ATXN10: variants seen among roughly 807,000 people sequenced by gnomAD.
The protein encoded by ATXN10 is ataxin-10.
ATXN10 carries 28 observed loss-of-function variants against 52.9 expected under a neutral mutation model. The ratio of observed to expected loss-of-function variants is 0.53; its 90% CI spans 0.39 to 0.73. The LOEUF is 0.73. Among genes scored for constraint, ATXN10 ranks in the 30% least tolerant of loss-of-function variants. The pLI is 0.00. For synonymous variants in ATXN10, 226 were observed against 221.5 expected (o/e 1.02, Z -0.18); for missense variants, 565 against 577.0 (o/e 0.98, Z 0.21).
At chr22:45,706,310 T>C (rs1459569376) in intron 5 of ATXN10, among the ~76,000 whole-genome samples, 1 of 152,250 alleles carries the variant, frequency 6.6e-6, no homozygotes, top group African/African-American at 2.4e-5. Context: ...TTGTTCACTA[T>C]AGCTAAAGGT....
Position 45,769,279 on chromosome 22 carries a change from C to T in ATXN10, c.1173+28741C>T, listed in dbSNP as rs1189100991. ...AAGAGTAACGTGTGCAGATGGGCGC[C>T]GTTCATCCCCTCTCCCCCATACAGA... On this transcript the variant is annotated intron_variant, in intron 9 of 11. Coordinates refer to ENST00000252934, the MANE Select transcript of ATXN10 (RefSeq NM_013236.4). The surrounding 1 kb of genome is among the most constrained non-coding windows in gnomAD (Gnocchi z 4.2). 4.6e-5 allele frequency among the ~76,000 whole-genome samples: 7 copies of T among 151,878 alleles called. No individual in the cohort carries two copies. Among genetic ancestry groups the T allele is most frequent in the East Asian group, 1.9e-4 (1 of 5,188 alleles).
chr22:45,812,174 A>G (rs949221356), intron 10 of ATXN10, among the ~76,000 whole-genome samples: 3 of 152,118 alleles, frequency 2.0e-5, no homozygotes, highest in African/African-American at 4.8e-5. Flanking sequence ...CAGCTGAGAT[A>G]GGCCACCCGC....
At chr22:45,822,920 G>A (rs1928699122) in intron 10 of ATXN10, among the ~76,000 whole-genome samples, 1 of 152,050 alleles carries the variant, frequency 6.6e-6, no homozygotes, top group Non-Finnish European at 1.5e-5. Context: ...CCATAGTTAG[G>A]TGTTTTAAAA....
rs1925137024 is a variant in ATXN10 at position 45,732,724 on chromosome 22, C to G, written c.894+3134C>G. Reference sequence around the variant, plus strand: ...GAGCTGATTGTTAAATTGTTGGTACCTTGAAATCATCCATGGTGGAAGTAG... The same window carrying G: ...GAGCTGATTGTTAAATTGTTGGTACGTTGAAATCATCCATGGTGGAAGTAG... On this transcript the variant is annotated intron_variant, in intron 7 of 11. Transcript: ENST00000252934. The surrounding 1 kb of genome is among the most constrained non-coding windows in gnomAD (Gnocchi z 4.5). Among the ~76,000 whole-genome samples the G allele has an allele frequency of 6.6e-6, 1 of 152,046 alleles. No individual in the cohort carries two copies.
At position 45,744,412 on chromosome 22, in the gene ATXN10, C is replaced by T. The variant is rs1188269174; in HGVS notation, c.1173+3874C>T. On this transcript the variant is annotated intron_variant, in intron 9 of 11. Coordinates refer to ENST00000252934, the MANE Select transcript of ATXN10 (RefSeq NM_013236.4). The surrounding 1 kb of genome is among the most constrained non-coding windows in gnomAD (Gnocchi z 4.9). The stretch of plus-strand genomic sequence containing the variant: ...GTGGCACTTTCCATTTTCCAGAGCT[C>T]TTTTCATCTGCTTTAGTTTGTTGGA... 1 of 152,170 alleles carries T rather than the reference C, an allele frequency of 6.6e-6. No homozygotes were observed. Among genetic ancestry groups the T allele is most frequent in the African/African-American group, 2.4e-5 (1 of 41,430 alleles). The allele number at this position is 152,170 out of a possible 1,614,324, so 9.4% of individuals were successfully genotyped here.
rs1337314274 is a variant in ATXN10, at chr22:45,805,863, T to A, written c.1174-1096T>A. Among the ~76,000 whole-genome samples, 2 of 152,168 alleles carry A rather than the reference T, an allele frequency of 1.3e-5. No individual in the cohort carries two copies. Among genetic ancestry groups the A allele is most frequent in the African/African-American group, 4.8e-5 (2 of 41,448 alleles). Reference sequence around the variant, plus strand: ...GAATTTTATAGTTTGTGATGATGTCTCAGCAAAAAATGAACTGGGCCAGGC... The same window carrying A: ...GAATTTTATAGTTTGTGATGATGTCACAGCAAAAAATGAACTGGGCCAGGC... On this transcript the variant is annotated intron_variant, in intron 9 of 11. Coordinates refer to ENST00000252934, the MANE Select transcript of ATXN10 (RefSeq NM_013236.4). This position sits in a 1 kb window ranked among gnomAD's most constrained non-coding sequence, Gnocchi z 4.4.
At chr22:45,751,871 C>G (rs1446687442) in intron 9 of ATXN10, among the ~76,000 whole-genome samples, 5 of 142,548 alleles carry the variant, frequency 3.5e-5, no homozygotes, top group Admixed American at 7.1e-5. Flanking sequence ...TTCCTGGCAG[C>G]AGCTGAAAAT....
intron 6 of ATXN10, among the ~76,000 whole-genome samples, chr22:45,721,494 A>G (rs1230574732): frequency 6.6e-6 from 1 of 152,194 alleles, no homozygotes; most frequent in African/African-American, 2.4e-5. Context: ...AGGGAAGAAG[A>G]TAATTGACTT....
chr22:45,758,642 T>C (rs1331368715), intron 9 of ATXN10, among the ~76,000 whole-genome samples: 1 of 152,268 alleles, frequency 6.6e-6, no homozygotes, highest in Admixed American at 6.5e-5. Flanking sequence ...GGTTGCCAGG[T>C]GTTCATTTAA....
rs1325429226 is a variant in ATXN10 at position 45,819,199 on chromosome 22, ATAG to A, written c.1237+12178_1237+12180del. Among the ~76,000 whole-genome samples the A allele has an allele frequency of 4.4e-5, 1 of 22,842 alleles. No individual in the cohort carries two copies. The highest frequency in any genetic ancestry group is 1.2e-4 in the African/African-American group (1 of 8,132). The allele number at this position is 22,842 out of a possible 152,430, so 15.0% of individuals were successfully genotyped here. On this transcript the variant is annotated intron_variant, in intron 10 of 11. Transcript: ENST00000252934. This position sits in a 1 kb window ranked among gnomAD's most constrained non-coding sequence, Gnocchi z 4.5. ...TATGAAGAATAGAATAGAAAATAGA[ATAG>A]AATAGAATAGAATAGAATAGAATAG...
In ATXN10 at chr22:45,722,585, C is replaced by A. The variant is rs769901292; in HGVS notation, c.728+4092C>A. ...ATATAATAAAGCTGCATTATACAGG[C>A]GGCATCTGCTGGGCCAGGGAGAAGT... On this transcript the variant is annotated intron_variant, in intron 6 of 11. Transcript: ENST00000252934. Among the ~76,000 whole-genome samples, 7 of 152,288 alleles carry A rather than the reference C, an allele frequency of 4.6e-5. 1 individual carries two copies. In the South Asian group the frequency reaches 6.2e-4, roughly 14 times the overall value.
intron 3 of ATXN10, among the ~76,000 whole-genome samples, chr22:45,695,090 G>A (rs1923550169): frequency 1.3e-5 from 2 of 151,932 alleles, no homozygotes; most frequent in South Asian, 4.2e-4. Context: ...CAGCACTTTG[G>A]GAGGCTGAAG....
At chr22:45,685,520 T>C (rs1047612011) in intron 1 of ATXN10, among the ~76,000 whole-genome samples, 3 of 152,230 alleles carry the variant, frequency 2.0e-5, no homozygotes, top group Non-Finnish European at 4.4e-5. Context: ...ATAACTTTTG[T>C]AATATTGGAG....
intron 10 of ATXN10, among the ~76,000 whole-genome samples, chr22:45,822,632 G>A (rs1928689010): frequency 6.8e-6 from 1 of 147,090 alleles, no homozygotes; most frequent in African/African-American, 2.6e-5. Context: ...CTGGGTTCAA[G>A]TGATTCTCCT....
intron 10 of ATXN10, among the ~76,000 whole-genome samples, chr22:45,832,734 C>T (rs1227587332): frequency 6.6e-6 from 1 of 152,162 alleles, no homozygotes; most frequent in Non-Finnish European, 1.5e-5. Context: ...ATCCCTTGCT[C>T]CAACGCCAGT....
At chr22:45,800,153 C>T (rs1268258436) in intron 9 of ATXN10, among the ~76,000 whole-genome samples, 1 of 151,992 alleles carries the variant, frequency 6.6e-6, no homozygotes, top group African/African-American at 2.4e-5. Context: ...AAAGTCAATG[C>T]TCTTTGAAAC....
chr22:45,735,709 C>T (rs1447405126), intron 7 of ATXN10, among the ~76,000 whole-genome samples: 6 of 150,332 alleles, frequency 4.0e-5, no homozygotes, highest in African/African-American at 9.7e-5. Context: ...CTCAAAGATA[C>T]GAAATGACAG....
chr22:45,700,189 C>G (rs1569028003), intron 3 of ATXN10, 93 bp from the exon 4 acceptor site: 15 of 948,062 alleles, frequency 1.6e-5, no homozygotes, highest in Non-Finnish European at 2.4e-5. Context: ...CAGAAACTTT[C>G]TGTTTAATAA....
intron 9 of ATXN10, among the ~76,000 whole-genome samples, chr22:45,773,979 G>A (rs111792411): frequency 2.0e-5 from 3 of 152,330 alleles, no homozygotes; most frequent in East Asian, 1.9e-4. Context: ...TTGCAGTCCT[G>A]TCTGGGTAGA....
Sources: allele counts gnomAD v4.1 joint callset (sites outside exome capture counted in the v4.1 genomes callset), GRCh38; gene constraint gnomAD v4.1.1; non-coding constraint Gnocchi (gnomAD v3.1); transcripts MANE v1.5; gene names NCBI Gene and HGNC (gene_info 2026-07-23, HGNC 2026-07-21).